Variants in NAALADL2 observed in about 807,000 individuals in gnomAD.
The protein encoded by NAALADL2 is inactive N-acetylated-alpha-linked acidic dipeptidase-like protein 2.
NAALADL2 carries 76 observed loss-of-function variants against 87.2 expected under a neutral mutation model. The observed-to-expected ratio is 0.87, with a 90% CI of 0.72 to 1.05. NAALADL2 has a LOEUF of 1.05. Among genes scored for constraint, NAALADL2 ranks in the 50% least tolerant of loss-of-function variants. NAALADL2 has a pLI of 0.00. For synonymous variants in NAALADL2, 354 were observed against 331.0 expected, an observed-to-expected ratio of 1.07 and a Z score of -0.75; for missense variants, 1,089 against 945.8, an observed-to-expected ratio of 1.15 and a Z score of -1.99.
intron 9 of NAALADL2, among the ~76,000 whole-genome samples, chr3:175,499,651 G>A (rs1582143663): frequency 6.6e-6 from 1 of 151,908 alleles, no homozygotes; most frequent in African/African-American, 2.4e-5. Context: ...CCTTACGTGG[G>A]CATTTCAAAA....
chr3:175,389,128 G>A (rs1768775883), intron 5 of NAALADL2, among the ~76,000 whole-genome samples: 1 of 151,892 alleles, frequency 6.6e-6, no homozygotes, highest in Non-Finnish European at 1.5e-5. Context: ...ATTAGAGTAA[G>A]CAACATTTTA....
At chr3:175,032,267 G>A (rs555500018) in intron 1 of NAALADL2, among the ~76,000 whole-genome samples, 1 of 151,894 alleles carries the variant, frequency 6.6e-6, no homozygotes, top group East Asian at 1.9e-4. Flanking sequence ...AAACAAAATT[G>A]TTAATATCCA....
chr3:174,935,264 C>T (rs1349581378), intron 1 of NAALADL2, among the ~76,000 whole-genome samples: 2 of 152,062 alleles, frequency 1.3e-5, no homozygotes, highest in African/African-American at 4.8e-5. Flanking sequence ...AACTATCTTG[C>T]GTTTGCCTGG....
chr3:175,461,568 C>T (rs1254751199), intron 6 of NAALADL2, among the ~76,000 whole-genome samples: 1 of 152,164 alleles, frequency 6.6e-6, no homozygotes, highest in African/African-American at 2.4e-5. Flanking sequence ...AAAATTAGTG[C>T]ATGTGTGTGA....
chr3:174,475,313 A>G (rs1274745854), intron 1 of NAALADL2, among the ~76,000 whole-genome samples: 1 of 152,000 alleles, frequency 6.6e-6, no homozygotes, highest in Non-Finnish European at 1.5e-5. Context: ...GAAAGAAAAA[A>G]CTATTTGTAG....
intron 1 of NAALADL2, among the ~76,000 whole-genome samples, chr3:175,014,644 A>G (rs73032317): frequency 0.028 from 4,289 of 152,236 alleles, 200 homozygotes; most frequent in African/African-American, 0.098. Context: ...AATATACCAG[A>G]ATATAATATT....
At chr3:175,317,855 T>G (rs1759354014) in intron 4 of NAALADL2, among the ~76,000 whole-genome samples, 1 of 152,164 alleles carries the variant, frequency 6.6e-6, no homozygotes, top group Non-Finnish European at 1.5e-5. Context: ...ATATAGCTAG[T>G]AAGACTCTAA....
chr3:174,807,940 C>G (rs1346977409), intron 3 of NAALADL2, among the ~76,000 whole-genome samples: 1 of 150,862 alleles, frequency 6.6e-6, no homozygotes, highest in Non-Finnish European at 1.5e-5. Context: ...TAATATAAAG[C>G]CCAAATTAAG....
intron 5 of NAALADL2, among the ~76,000 whole-genome samples, chr3:175,345,081 G>A (rs1762986556): frequency 1.6e-5 from 1 of 61,072 alleles, no homozygotes; most frequent in Non-Finnish European, 3.2e-5. Context: ...TCATCTTATT[G>A]TACAATCAAA....
chr3:175,467,807 C>T (rs531423512), intron 8 of NAALADL2, among the ~76,000 whole-genome samples: 84 of 152,236 alleles, frequency 5.5e-4, no homozygotes, highest in African/African-American at 1.9e-3. Context: ...TAGAATACAA[C>T]TGAAATATTG....
intron 4 of NAALADL2, among the ~76,000 whole-genome samples, chr3:175,264,901 A>G (rs1052738442): frequency 2.4e-4 from 37 of 151,702 alleles, no homozygotes; most frequent in African/African-American, 7.2e-4. Flanking sequence ...TGAGATATCA[A>G]GTATGGTTCC....
chr3:175,140,378 T>C (rs1269234087), intron 2 of NAALADL2, among the ~76,000 whole-genome samples: 1 of 152,140 alleles, frequency 6.6e-6, no homozygotes, highest in Non-Finnish European at 1.5e-5. Context: ...AGAGAGCTTA[T>C]AGTCTTCTGG....
intron 2 of NAALADL2, among the ~76,000 whole-genome samples, chr3:174,679,333 G>T (rs1727320487): frequency 6.6e-6 from 1 of 152,046 alleles, no homozygotes; most frequent in Non-Finnish European, 1.5e-5. Context: ...AACTTAGAGA[G>T]TTTAAAATTT....
At chr3:174,803,693 G>A (rs1028047406) in intron 3 of NAALADL2, among the ~76,000 whole-genome samples, 18 of 152,144 alleles carry the variant, frequency 1.2e-4, no homozygotes, top group African/African-American at 4.3e-4. Context: ...TATATGGCTA[G>A]CCAGTTTTCC....
intron 12 of NAALADL2, among the ~76,000 whole-genome samples, chr3:175,750,367 G>A (rs982062133): frequency 6.6e-6 from 1 of 152,058 alleles, no homozygotes; most frequent in East Asian, 1.9e-4. Flanking sequence ...TATCTATTTT[G>A]ATATCTATTG....
intron 1 of NAALADL2, among the ~76,000 whole-genome samples, chr3:174,905,261 G>A (rs1218139243): frequency 2.6e-5 from 4 of 151,688 alleles, no homozygotes; most frequent in Non-Finnish European, 4.4e-5. Context: ...ATTTAACTTA[G>A]TATTTAAATG....
chr3:175,152,794 C>G (rs1463032586), intron 2 of NAALADL2, among the ~76,000 whole-genome samples: 1 of 151,944 alleles, frequency 6.6e-6, no homozygotes, highest in Non-Finnish European at 1.5e-5. Flanking sequence ...GTAATCCCGG[C>G]TACTCAGGAG....
intron 2 of NAALADL2, among the ~76,000 whole-genome samples, chr3:175,210,585 A>C (rs892117680): frequency 1.3e-5 from 2 of 151,712 alleles, no homozygotes; most frequent in Non-Finnish European, 3.0e-5. Flanking sequence ...TTAATGTGGA[A>C]TATGGCAAAG....
intron 3 of NAALADL2, among the ~76,000 whole-genome samples, chr3:174,850,289 T>C (rs900604050): frequency 1.3e-5 from 2 of 152,166 alleles, no homozygotes; most frequent in African/African-American, 2.4e-5. Context: ...AGCTCCTTTA[T>C]ATGTTATTTG....
Sources: gnomAD v4.1 joint callset for allele counts (sites outside exome capture counted in the v4.1 genomes callset) on GRCh38, gnomAD v4.1.1 for gene constraint, MANE v1.5 for transcripts, NCBI Gene and HGNC (gene_info 2026-07-23, HGNC 2026-07-21) for gene names.